The following UNC5C variants were observed in gnomAD, a reference collection of about 807,000 sequenced individuals.
UNC5C encodes the protein unc-5 netrin receptor C, also known as netrin receptor UNC5C.
A neutral mutation model predicts 99.8 loss-of-function variants in UNC5C; 47 were observed. That is an observed-to-expected ratio of 0.47 (90% confidence interval 0.37 to 0.60). UNC5C has a LOEUF of 0.60. Among genes scored for constraint, UNC5C ranks in the 20% least tolerant of loss-of-function variants. The pLI is 0.00. For missense variants in UNC5C, 1,062 were observed against 1,165.9 expected (o/e 0.91, Z 1.30); for synonymous variants, 487 against 452.2 (o/e 1.08, Z -0.98).
In UNC5C at chr4:95,164,500, A is replaced by G. The variant is rs1430771278; in HGVS notation, c.*4734T>C. 1 of 152,224 alleles carries G rather than the reference A, an allele frequency of 6.6e-6. No individual in the cohort carries two copies. Among genetic ancestry groups the G allele is most frequent in the African/African-American group, 2.4e-5 (1 of 41,454 alleles). The allele number at this position is 152,224 out of a possible 1,614,324, so 9.4% of individuals were successfully genotyped here. On this transcript the variant is annotated 3_prime_UTR_variant, in exon 16 of 16. Coordinates refer to ENST00000453304, the MANE Select transcript of UNC5C (RefSeq NM_003728.4). ...TACTAGCTCAGCAAGGTTAAAGAATATATAAAAATAATACAAAAAGAAAAA... is the reference window on the plus strand; with the variant it reads ...TACTAGCTCAGCAAGGTTAAAGAATGTATAAAAATAATACAAAAAGAAAAA...
chr4:95,522,561 CA>C (rs1256787309), intron 1 of UNC5C, among the ~76,000 whole-genome samples: 2 of 151,312 alleles, frequency 1.3e-5, no homozygotes, highest in South Asian at 2.1e-4. Context: ...AACCTACACA[CA>C]AAAAAAAGCT....
intron 7 of UNC5C, among the ~76,000 whole-genome samples, chr4:95,224,486 A>G (rs1326510708): frequency 6.6e-6 from 1 of 152,224 alleles, no homozygotes; most frequent in Non-Finnish European, 1.5e-5. Context: ...TAACTTCGTA[A>G]CTTCGATTTG....
intron 4 of UNC5C, among the ~76,000 whole-genome samples, chr4:95,257,797 T>C (rs1740063835): frequency 6.6e-6 from 1 of 152,212 alleles, no homozygotes; most frequent in Admixed American, 6.5e-5. Context: ...TTCTTTTGGA[T>C]CAGCTTTATC....
At position 95,177,501 on chromosome 4, in the gene UNC5C, C is replaced by T. The variant is rs1370679367; in HGVS notation, c.2451+5396G>A. ...CGGTGAGGTTGCAACTGCCTGTGTGCCAGTGTTGATTAGCAGTATGTTCCA... is the reference window on the plus strand; with the variant it reads ...CGGTGAGGTTGCAACTGCCTGTGTGTCAGTGTTGATTAGCAGTATGTTCCA... On this transcript the variant is annotated intron_variant, in intron 14 of 15. Transcript: ENST00000453304. Among the ~76,000 whole-genome samples the T allele has an allele frequency of 3.3e-5, 5 of 152,166 alleles. No individual in the cohort carries two copies. The South Asian group carries it at 1.0e-3, about 32-fold the overall frequency.
chr4:95,404,559 T>C (rs914955129), intron 1 of UNC5C, among the ~76,000 whole-genome samples: 2 of 152,178 alleles, frequency 1.3e-5, no homozygotes, highest in Non-Finnish European at 2.9e-5. Context: ...GGACACTTGT[T>C]TTCTCATTTA....
chr4:95,532,675 A>G (rs1345703039), intron 1 of UNC5C, among the ~76,000 whole-genome samples: 2 of 152,240 alleles, frequency 1.3e-5, no homozygotes, highest in East Asian at 3.9e-4. Flanking sequence ...GTTCATAGCA[A>G]ATGAAAGAGC....
At chr4:95,174,366 C>G (rs998760912) in intron 14 of UNC5C, among the ~76,000 whole-genome samples, 2 of 152,012 alleles carry the variant, frequency 1.3e-5, no homozygotes, top group Non-Finnish European at 2.9e-5. Context: ...CCTGCTTTCT[C>G]TTGTGGGCAT....
At chr4:95,527,601 A>G (rs1722531521) in intron 1 of UNC5C, among the ~76,000 whole-genome samples, 1 of 152,136 alleles carries the variant, frequency 6.6e-6, no homozygotes, top group Non-Finnish European at 1.5e-5. Flanking sequence ...CATAGTAAAG[A>G]TTTATAATTG....
At chr4:95,456,385 T>C (rs1747427880) in intron 1 of UNC5C, among the ~76,000 whole-genome samples, 1 of 152,102 alleles carries the variant, frequency 6.6e-6, no homozygotes, top group African/African-American at 2.4e-5. Flanking sequence ...AACTTAATCA[T>C]AGTGGTGATG....
chr4:95,463,057 C>A (rs903259253), intron 1 of UNC5C, among the ~76,000 whole-genome samples: 1 of 152,114 alleles, frequency 6.6e-6, no homozygotes, highest in Non-Finnish European at 1.5e-5. Flanking sequence ...TTCCAGCTGC[C>A]GCCCTCAAAC....
chr4:95,540,414 C>T (rs1277484678), intron 1 of UNC5C, among the ~76,000 whole-genome samples: 1 of 152,148 alleles, frequency 6.6e-6, no homozygotes, highest in African/African-American at 2.4e-5. Context: ...TGTTTTCCAC[C>T]ACCCTGCATG....
rs1043161339 is a variant in UNC5C, at chr4:95,183,064, A to G, written c.2287-3T>C. Reference sequence around the variant, plus strand: ...CAAACATGGTAAAATGGAATTTCCTAAAGGATATGAAAGTGTTAACCACAA... The same window carrying G: ...CAAACATGGTAAAATGGAATTTCCTGAAGGATATGAAAGTGTTAACCACAA... On this transcript the variant is annotated splice_region_variant and splice_polypyrimidine_tract_variant and intron_variant, in intron 13 of 15. Transcript: ENST00000453304. The G allele has an allele frequency of 1.3e-6, 2 of 1,597,316 alleles. No homozygotes were observed. Among genetic ancestry groups the G allele is most frequent in the Middle Eastern group, 1.7e-4 (1 of 5,996 alleles).
intron 1 of UNC5C, among the ~76,000 whole-genome samples, chr4:95,409,759 C>A (rs1001573265): frequency 6.6e-6 from 1 of 152,200 alleles, no homozygotes; most frequent in Non-Finnish European, 1.5e-5. Context: ...AGTCCTTTCT[C>A]CTCTTCATTG....
intron 12 of UNC5C, 38 bp from the exon 13 acceptor site, chr4:95,185,234 A>G: frequency 6.4e-7 from 1 of 1,567,250 alleles, no homozygotes; most frequent in Non-Finnish European, 8.6e-7. Flanking sequence ...CACGTTATTG[A>G]TTTGGATCAC....
At position 95,347,098 on chromosome 4, in the gene UNC5C, G is replaced by A. The variant is rs921495998; in HGVS notation, c.125-11467C>T. On this transcript the variant is annotated intron_variant, in intron 1 of 15. Transcript: ENST00000453304. ...GATACAGGGTCAACATACAAAAATC[G>A]GTAGCATTTCTATATGCCAACAGCA... Among the ~76,000 whole-genome samples, 16 of 151,694 alleles carry A rather than the reference G, an allele frequency of 1.1e-4. No homozygotes were observed. In the South Asian group the frequency reaches 1.2e-3, roughly 12 times the overall value.
chr4:95,363,023 C>G (rs975292087), intron 1 of UNC5C, among the ~76,000 whole-genome samples: 2 of 152,030 alleles, frequency 1.3e-5, no homozygotes, highest in Admixed American at 6.6e-5. Context: ...AACATCACCC[C>G]CTGGAGTTAC....
chr4:95,271,366 T>C, intron 4 of UNC5C, among the ~76,000 whole-genome samples: 1 of 152,004 alleles, frequency 6.6e-6, no homozygotes, highest in Non-Finnish European at 1.5e-5. Flanking sequence ...TAGCTGGGAC[T>C]ACAGGCGCCC....
chr4:95,264,902 C>T (rs550100485), intron 4 of UNC5C, among the ~76,000 whole-genome samples: 5 of 152,260 alleles, frequency 3.3e-5, no homozygotes, highest in Admixed American at 2.0e-4. Context: ...TTCACTGGTC[C>T]TTTTATAACA....
intron 1 of UNC5C, among the ~76,000 whole-genome samples, chr4:95,474,689 A>C (rs1428755617): frequency 6.6e-6 from 1 of 152,182 alleles, no homozygotes; most frequent in Non-Finnish European, 1.5e-5. Flanking sequence ...ATGCAAACAA[A>C]GAATAAAATA....
Sources: gnomAD v4.1 joint callset for allele counts (sites outside exome capture counted in the v4.1 genomes callset) on GRCh38, gnomAD v4.1.1 for gene constraint, MANE v1.5 for transcripts, NCBI Gene and HGNC (gene_info 2026-07-23, HGNC 2026-07-21) for gene names.